KCNJ15: variants seen among roughly 807,000 people sequenced by gnomAD.
KCNJ15 encodes ATP-sensitive inward rectifier potassium channel 15.
Under a neutral mutation model 23.0 loss-of-function variants are expected in KCNJ15, and 14 were observed. That is an observed-to-expected ratio of 0.61 (90% CI 0.40 to 0.95). KCNJ15 has a LOEUF of 0.95. Ranked by LOEUF, KCNJ15 falls within the 40% of genes least tolerant of loss-of-function variation. KCNJ15 has a pLI of 0.00. For missense variants in KCNJ15, 388 were observed against 461.8 expected, an observed-to-expected ratio of 0.84 and a Z score of 1.46; for synonymous variants, 185 against 183.2, an observed-to-expected ratio of 1.01 and a Z score of -0.08.
intron 1 of KCNJ15, among the ~76,000 whole-genome samples, chr21:38,286,321 T>C (rs1983901649): frequency 6.6e-6 from 1 of 152,212 alleles, no homozygotes; most frequent in Non-Finnish European, 1.5e-5. Context: ...ACAGTAAGGC[T>C]ATGAAGACCA....
chr21:38,284,378 C>G (rs1328125160), intron 1 of KCNJ15, among the ~76,000 whole-genome samples: 1 of 152,280 alleles, frequency 6.6e-6, no homozygotes, highest in East Asian at 1.9e-4. Context: ...GTGAGACCTC[C>G]TCTTCTCTCT....
At chr21:38,265,868 T>C (rs1040873267) in intron 1 of KCNJ15, among the ~76,000 whole-genome samples, 3 of 152,058 alleles carry the variant, frequency 2.0e-5, no homozygotes, top group Admixed American at 6.5e-5. Context: ...CCAGATCCCT[T>C]TGGGATGACT....
intron 1 of KCNJ15, among the ~76,000 whole-genome samples, chr21:38,264,482 G>A (rs753912810): frequency 6.6e-6 from 1 of 152,208 alleles, no homozygotes; most frequent in East Asian, 1.9e-4. Flanking sequence ...TGACAATGGA[G>A]ATTTTATGTA....
intron 1 of KCNJ15, among the ~76,000 whole-genome samples, chr21:38,265,785 T>C (rs1173814913): frequency 6.6e-6 from 1 of 152,184 alleles, no homozygotes; most frequent in African/African-American, 2.4e-5. Flanking sequence ...AAGGCTGCAG[T>C]GTCCAGCAGA....
intron 1 of KCNJ15, among the ~76,000 whole-genome samples, chr21:38,239,378 C>A (rs939317216): frequency 6.6e-6 from 1 of 152,192 alleles, no homozygotes; most frequent in Admixed American, 6.5e-5. Flanking sequence ...AGGGACCCCA[C>A]CTCCCCAAAA....
intron 1 of KCNJ15, among the ~76,000 whole-genome samples, chr21:38,260,873 G>T (rs1433096739): frequency 6.6e-6 from 1 of 152,146 alleles, no homozygotes; most frequent in Non-Finnish European, 1.5e-5. Flanking sequence ...CAGTCTTAAT[G>T]TGCAGGGATC....
chr21:38,236,502 T>A (rs2836228), intron 1 of KCNJ15, among the ~76,000 whole-genome samples: 18,030 of 152,190 alleles, frequency 0.12, 2,830 homozygotes, highest in African/African-American at 0.36. Flanking sequence ...CGTTTCTTCC[T>A]GACACTTTCA....
rs1985481761 is a variant in KCNJ15, at chr21:38,299,185, A to G, written c.-18-59A>G. On this transcript the variant is annotated intron_variant, in intron 2 of 2. Coordinates refer to ENST00000398938, the MANE Select transcript of KCNJ15 (RefSeq NM_170736.3). This position sits in a 1 kb window ranked among gnomAD's most constrained non-coding sequence, Gnocchi z 4.5. ...CATACTTACTTCACATGATGATTCT[A>G]TTTTCTGGAAGTTCCACCACATATG... The G allele has an allele frequency of 3.1e-6, 4 of 1,287,394 alleles. No homozygotes were observed. The Admixed American group carries it at 6.3e-5, about 20-fold the overall frequency. The allele number at this position is 1,287,394 out of a possible 1,614,324, so 79.7% of individuals were successfully genotyped here. A position where few individuals can be genotyped will look rare whatever the true frequency, so the allele number is the denominator to read the frequency against.
chr21:38,242,475 T>C (rs1322497114), intron 1 of KCNJ15, among the ~76,000 whole-genome samples: 1 of 152,078 alleles, frequency 6.6e-6, no homozygotes, highest in African/African-American at 2.4e-5. Context: ...AAACCAGCAC[T>C]CAGAGGCAAA....
upstream of KCNJ15, among the ~76,000 whole-genome samples, chr21:38,255,944 G>T (rs1444404047): frequency 6.6e-6 from 1 of 152,200 alleles, no homozygotes; most frequent in Admixed American, 6.5e-5. Context: ...CGTCTCCCAT[G>T]GGAAACAGAC....
chr21:38,273,862 A>G (rs1193483275), intron 1 of KCNJ15, among the ~76,000 whole-genome samples: 4 of 152,212 alleles, frequency 2.6e-5, no homozygotes. Context: ...CATTTTACAG[A>G]TGAGGAAAAC....
rs1167512010 is a variant in KCNJ15, at chr21:38,304,660, A to ATTT, written c.*4272_*4273insTTT. On this transcript the variant is annotated 3_prime_UTR_variant, in exon 3 of 3. Transcript: ENST00000398938. ...CTTTACCCTTTGTAAACTTCAATTTATCTTTTTTTTTTTTTTTTTTTTTTT... is the reference window on the plus strand; with the variant it reads ...CTTTACCCTTTGTAAACTTCAATTTATTTTCTTTTTTTTTTTTTTTTTTTTTTT... 1 of 41,118 alleles carries ATTT rather than the reference A, an allele frequency of 2.4e-5. No individual in the cohort carries two copies. The highest frequency in any genetic ancestry group is 7.0e-5 in the Non-Finnish European group (1 of 14,368). The allele number at this position is 41,118 out of a possible 1,614,324, so 2.5% of individuals were successfully genotyped here.
In KCNJ15 at chr21:38,297,009, G is replaced by A. The variant is rs560786908; in HGVS notation, c.-33G>A. On this transcript the variant is annotated 5_prime_UTR_variant, in exon 2 of 3. Transcript: ENST00000398938. ...GCCTTGAAGAAGACACCTGACCTGC[G>A]GAGTGAGTGACCAGGTAGTAGACGG... 2.0e-5 allele frequency: 3 copies of A among 152,756 alleles called. No homozygotes were observed. The highest frequency in any genetic ancestry group is 1.9e-4 in the East Asian group (1 of 5,166). 9.5% of individuals were successfully genotyped at this position (152,756 alleles called of 1,614,324 possible). A position where few individuals can be genotyped will look rare whatever the true frequency, so the allele number is the denominator to read the frequency against.
At chr21:38,253,716 T>G (rs572736229), upstream of KCNJ15, among the ~76,000 whole-genome samples, 1 of 152,198 alleles carries the variant, frequency 6.6e-6, no homozygotes, top group Non-Finnish European at 1.5e-5. Flanking sequence ...TTGGAAATTA[T>G]TCTTGGGAAA....
At chr21:38,255,454 A>G (rs1322266892), upstream of KCNJ15, among the ~76,000 whole-genome samples, 2 of 152,212 alleles carry the variant, frequency 1.3e-5, no homozygotes, top group Non-Finnish European at 2.9e-5. Flanking sequence ...TAAGAAGTCC[A>G]AATCTCGTGT....
Position 38,300,589 on chromosome 21 carries a change from G to A in KCNJ15, c.*200G>A, listed in dbSNP as rs945654628. 22 of 547,172 alleles carry A rather than the reference G, an allele frequency of 4.0e-5. No homozygotes were observed. The highest frequency in any genetic ancestry group is 4.9e-5 in the Non-Finnish European group (15 of 304,044). 33.9% of individuals were successfully genotyped at this position (547,172 alleles called of 1,614,324 possible). On this transcript the variant is annotated 3_prime_UTR_variant, in exon 3 of 3. Coordinates refer to ENST00000398938, the MANE Select transcript of KCNJ15 (RefSeq NM_170736.3). ...TGAGAGATTTCCTGTTAGGTGCTTC[G>A]TCTGAAAGTGAACTCTCATAATTCA... is the stretch of plus-strand genomic sequence containing the variant.
At chr21:38,241,976 A>G (rs1267180041) in intron 1 of KCNJ15, among the ~76,000 whole-genome samples, 175 of 151,516 alleles carry the variant, frequency 1.2e-3, no homozygotes, top group African/African-American at 3.9e-3. Flanking sequence ...CTAAAAAAAA[A>G]AAAAAAAAAA....
chr21:38,299,322 G>T lies in KCNJ15; in HGVS notation c.61G>T (p.Gly21Trp), dbSNP rs753460532. The T allele has an allele frequency of 6.8e-6, 11 of 1,614,074 alleles. No individual in the cohort carries two copies. Among genetic ancestry groups the T allele is most frequent in the Non-Finnish European group, 1.7e-6 (2 of 1,180,018 alleles). The change falls in exon 3 of 3, where the codon GGG becomes TGG. Residue 21 changes from glycine to tryptophan, a missense_variant. Gly to Trp is a radical substitution (Grantham distance 184, BLOSUM62 -2). Transcript: ENST00000398938. This position sits in a 1 kb window ranked among gnomAD's most constrained non-coding sequence, Gnocchi z 4.5. Reference protein sequence around the residue: ...TPLVKHTAGAGLKANRPRVMS... With the variant: ...TPLVKHTAGAWLKANRPRVMS... ...CCTGGTGAAGCACACTGCTGGGGCT[G>T]GGCTCAAGGCCAACAGACCCCGCGT... is the stretch of plus-strand genomic sequence containing the variant.
At chr21:38,265,179 G>A (rs1667444780) in intron 1 of KCNJ15, among the ~76,000 whole-genome samples, 1 of 152,156 alleles carries the variant, frequency 6.6e-6, no homozygotes, top group African/African-American at 2.4e-5. Flanking sequence ...GGCTCTGAAT[G>A]TGTTTTAAAT....
Sources: gnomAD v4.1 joint callset for allele counts (sites outside exome capture counted in the v4.1 genomes callset) on GRCh38, gnomAD v4.1.1 for gene constraint, Gnocchi (gnomAD v3.1) non-coding constraint, MANE v1.5 for transcripts, NCBI Gene and HGNC (gene_info 2026-07-23, HGNC 2026-07-21) for gene names.